Variants in DAB1 observed in about 807,000 individuals in gnomAD.
The protein encoded by DAB1 is disabled homolog 1.
In DAB1, 15 loss-of-function variants were observed where a neutral mutation model predicts 64.6. The ratio of observed to expected loss-of-function variants is 0.23; its 90% CI spans 0.16 to 0.36. The LOEUF is 0.36. Among genes scored for constraint, DAB1 ranks in the 10% least tolerant of loss-of-function variants. The pLI, the probability that DAB1 is intolerant of heterozygous loss-of-function variation, is 1.00. For missense variants in DAB1, 596 were observed against 706.7 expected (o/e 0.84, Z 1.78); for synonymous variants, 235 against 251.9 (o/e 0.93, Z 0.64).
chr1:57,785,091 C>G (rs1434888780), intron 6 of DAB1, among the ~76,000 whole-genome samples: 1 of 152,102 alleles, frequency 6.6e-6, no homozygotes, highest in Non-Finnish European at 1.5e-5. Context: ...TCTACTCTGC[C>G]TGTGCTCTAG....
intron 3 of DAB1, among the ~76,000 whole-genome samples, chr1:58,482,228 T>C (rs1645499659): frequency 6.6e-6 from 1 of 152,092 alleles, no homozygotes; most frequent in South Asian, 2.1e-4. Flanking sequence ...TTACGTCTCA[T>C]CCTGTAAGGT....
At chr1:57,412,625 C>A (rs949690359) in intron 1 of DAB1, among the ~76,000 whole-genome samples, 7 of 152,156 alleles carry the variant, frequency 4.6e-5, no homozygotes, top group Non-Finnish European at 1.0e-4. Context: ...ATAGATGAAA[C>A]AAGACACAGT....
chr1:58,436,467 C>A (rs1241436405), intron 3 of DAB1, among the ~76,000 whole-genome samples: 2 of 152,168 alleles, frequency 1.3e-5, no homozygotes, highest in Admixed American at 6.5e-5. Flanking sequence ...GTTCTGGTCA[C>A]CATATTCTTA....
At chr1:58,294,511 GCA>G (rs905170850) in intron 4 of DAB1, among the ~76,000 whole-genome samples, 1 of 152,038 alleles carries the variant, frequency 6.6e-6, no homozygotes, top group Non-Finnish European at 1.5e-5. Flanking sequence ...CAGATACTAT[GCA>G]CAGTCTTAAG....
intron 5 of DAB1, among the ~76,000 whole-genome samples, chr1:58,092,059 G>A (rs1650697039): frequency 1.3e-5 from 2 of 151,828 alleles, no homozygotes; most frequent in South Asian, 2.1e-4. Context: ...TGCCATCACC[G>A]GGAGCGATGG....
At chr1:58,153,088 G>A (rs1416579366) in intron 4 of DAB1, among the ~76,000 whole-genome samples, 2 of 152,158 alleles carry the variant, frequency 1.3e-5, no homozygotes, top group Non-Finnish European at 2.9e-5. Flanking sequence ...CTTATAAAAT[G>A]TGTGAAACTT....
At chr1:57,720,664 C>T (rs751041974) in intron 6 of DAB1, among the ~76,000 whole-genome samples, 1 of 152,212 alleles carries the variant, frequency 6.6e-6, no homozygotes, top group Non-Finnish European at 1.5e-5. Context: ...AAGATAATAT[C>T]AAGTGCTTTG....
intron 7 of DAB1, among the ~76,000 whole-genome samples, chr1:57,463,321 T>C (rs1031569077): frequency 6.6e-6 from 1 of 152,228 alleles, no homozygotes. Flanking sequence ...TTTGGAAATA[T>C]TTAAAATATT....
chr1:57,101,610 C>A (rs1654689350), intron 4 of DAB1, among the ~76,000 whole-genome samples: 1 of 152,242 alleles, frequency 6.6e-6, no homozygotes. Context: ...TTCAGATAAG[C>A]AATGCACACT....
intron 6 of DAB1, among the ~76,000 whole-genome samples, chr1:57,801,853 T>C (rs1651142056): frequency 6.6e-6 from 1 of 152,114 alleles, no homozygotes; most frequent in South Asian, 2.1e-4. Flanking sequence ...AGATGGAGTT[T>C]CACCATGTTG....
At chr1:58,090,014 C>G (rs1650547363) in intron 5 of DAB1, among the ~76,000 whole-genome samples, 1 of 152,196 alleles carries the variant, frequency 6.6e-6, no homozygotes, top group Non-Finnish European at 1.5e-5. Flanking sequence ...AAGTCGGGGG[C>G]ACAGATTACA....
chr1:57,998,039 A>T (rs1313978001), intron 5 of DAB1, among the ~76,000 whole-genome samples: 1 of 152,136 alleles, frequency 6.6e-6, no homozygotes, highest in Non-Finnish European at 1.5e-5. Context: ...GTAGGAGGGG[A>T]ATGAAAGCCC....
chr1:57,290,719 T>C (rs1672709788), intron 2 of DAB1, among the ~76,000 whole-genome samples: 1 of 152,198 alleles, frequency 6.6e-6, no homozygotes, highest in Admixed American at 6.5e-5. Flanking sequence ...TATGTGATCA[T>C]AAAGATACTC....
At chr1:57,641,529 G>T (rs1029362712) in intron 7 of DAB1, among the ~76,000 whole-genome samples, 1 of 151,166 alleles carries the variant, frequency 6.6e-6, no homozygotes, top group Non-Finnish European at 1.5e-5. Context: ...GACTACAGAC[G>T]CCCGCCACTA....
At chr1:58,539,190 T>G (rs745840562) in intron 1 of DAB1, 6 of 872,824 alleles carry the variant, frequency 6.9e-6, no homozygotes, top group Non-Finnish European at 1.0e-5. Context: ...GACAGCCCCG[T>G]GAGGTGGATG....
At chr1:57,613,011 T>A (rs548902210) in intron 7 of DAB1, among the ~76,000 whole-genome samples, 2 of 152,272 alleles carry the variant, frequency 1.3e-5, no homozygotes, top group African/African-American at 2.4e-5. Flanking sequence ...CCTTCGTGCC[T>A]GACACACAGC....
At chr1:57,636,670 G>A (rs950326199) in intron 7 of DAB1, among the ~76,000 whole-genome samples, 10 of 152,196 alleles carry the variant, frequency 6.6e-5, no homozygotes, top group African/African-American at 2.4e-4. Flanking sequence ...CAAAAGAGCA[G>A]GGTGGGTCAA....
chr1:58,106,913 C>CT (rs1165579093), intron 5 of DAB1, among the ~76,000 whole-genome samples: 12 of 143,662 alleles, frequency 8.4e-5, no homozygotes, highest in Admixed American at 4.1e-4. Flanking sequence ...TCCTTCCTTC[C>CT]TCCTCCTTTC....
intron 5 of DAB1, among the ~76,000 whole-genome samples, chr1:57,928,430 T>C (rs555959816): frequency 1.3e-5 from 2 of 152,256 alleles, no homozygotes; most frequent in African/African-American, 4.8e-5. Flanking sequence ...TTTGTTACAA[T>C]TCATGAACCT....
Sources: gnomAD v4.1 joint callset for allele counts (sites outside exome capture counted in the v4.1 genomes callset) on GRCh38, gnomAD v4.1.1 for gene constraint, MANE v1.5 for transcripts, NCBI Gene and HGNC (gene_info 2026-07-23, HGNC 2026-07-21) for gene names.